The following ADAMTS17 variants were observed in gnomAD, a reference collection of about 807,000 sequenced individuals.
The protein encoded by ADAMTS17 is ADAM metallopeptidase with thrombospondin type 1 motif 17.
Under a neutral mutation model 141.5 loss-of-function variants are expected in ADAMTS17, and 113 were observed. That is an observed-to-expected ratio of 0.80 (90% CI 0.69 to 0.93). The LOEUF (loss-of-function observed/expected upper bound fraction) is 0.93, where lower values mean the gene tolerates loss of function less well. ADAMTS17 is among the 40% of genes least tolerant of loss of function. The probability of loss-of-function intolerance (pLI) is 0.00; values close to 1 mark genes in which losing one functional copy is unlikely to be tolerated. For synonymous variants in ADAMTS17, 768 were observed against 630.6 expected (o/e 1.22, Z -3.27); for missense variants, 1,659 against 1,517.9 (o/e 1.09, Z -1.54).
intron 3 of ADAMTS17, among the ~76,000 whole-genome samples, chr15:100,309,577 G>A (rs1351859922): frequency 6.6e-6 from 1 of 152,180 alleles, no homozygotes; most frequent in Non-Finnish European, 1.5e-5. Flanking sequence ...CCATTCCCAT[G>A]GGCTTCTTGA....
chr15:100,239,582 C>G (rs117675977), intron 7 of ADAMTS17, among the ~76,000 whole-genome samples: 1 of 152,156 alleles, frequency 6.6e-6, no homozygotes, highest in South Asian at 2.1e-4. Context: ...AGAAGGGGGT[C>G]TCTCTCCAGC....
chr15:100,339,843 TAC>T (rs1446459469), intron 2 of ADAMTS17, among the ~76,000 whole-genome samples: 1 of 152,216 alleles, frequency 6.6e-6, no homozygotes, highest in African/African-American at 2.4e-5. Flanking sequence ...TCTAGGAAAC[TAC>T]ACACAGAGAT....
At chr15:100,115,681 A>G (rs2054572) in intron 13 of ADAMTS17, among the ~76,000 whole-genome samples, 82,573 of 152,076 alleles carry the variant, frequency 0.54, 24,800 homozygotes, top group African/African-American at 0.8. Context: ...GCAGAAGGCC[A>G]AATGCAGATT....
intron 4 of ADAMTS17, among the ~76,000 whole-genome samples, chr15:100,277,600 CCTCTCAGGCGTG>C (rs1232311864): frequency 1.3e-5 from 2 of 152,240 alleles, no homozygotes; most frequent in South Asian, 2.1e-4. Context: ...CTCCAGCCCT[CCTCTCAGGCGTG>C]CTCCGGGCAG....
chr15:100,188,138 G>T (rs960235095), intron 8 of ADAMTS17, among the ~76,000 whole-genome samples: 5 of 152,028 alleles, frequency 3.3e-5, no homozygotes, highest in East Asian at 3.9e-4. Flanking sequence ...ATGCAATGGC[G>T]TGATTTCGGC....
At chr15:100,077,196 C>T (rs2034434232) in intron 15 of ADAMTS17, among the ~76,000 whole-genome samples, 1 of 141,354 alleles carries the variant, frequency 7.1e-6, no homozygotes, top group Admixed American at 8.1e-5. Context: ...GTAATCCCAG[C>T]AGTTTGGGAG....
intron 7 of ADAMTS17, among the ~76,000 whole-genome samples, chr15:100,249,985 G>A (rs1175051512): frequency 1.3e-5 from 2 of 152,194 alleles, no homozygotes; most frequent in African/African-American, 4.8e-5. Flanking sequence ...GTAGAGGGAT[G>A]GGACTGCACA....
intron 3 of ADAMTS17, among the ~76,000 whole-genome samples, chr15:100,304,840 C>T (rs2045167705): frequency 6.6e-6 from 1 of 152,182 alleles, no homozygotes; most frequent in Non-Finnish European, 1.5e-5. Context: ...ACAGCAAGAC[C>T]AACCTCTCCT....
intron 15 of ADAMTS17, among the ~76,000 whole-genome samples, chr15:100,060,752 C>T (rs965781257): frequency 6.6e-6 from 1 of 152,230 alleles, no homozygotes; most frequent in Admixed American, 6.5e-5. Flanking sequence ...CCAGGCATTT[C>T]CTGTTCCAGG....
chr15:100,127,857 C>T (rs1442162432), intron 12 of ADAMTS17, among the ~76,000 whole-genome samples: 8 of 151,958 alleles, frequency 5.3e-5, no homozygotes, highest in African/African-American at 9.7e-5. Context: ...GCTGGAATTA[C>T]AGGCATCAGC....
At chr15:100,138,955 T>C (rs2038479504) in intron 10 of ADAMTS17, among the ~76,000 whole-genome samples, 1 of 152,174 alleles carries the variant, frequency 6.6e-6, no homozygotes, top group African/African-American at 2.4e-5. Context: ...TATCAGTGAT[T>C]TCCCGGTAAT....
intron 4 of ADAMTS17, among the ~76,000 whole-genome samples, chr15:100,277,731 C>T (rs2044149004): frequency 6.6e-6 from 1 of 152,228 alleles, no homozygotes; most frequent in Non-Finnish European, 1.5e-5. Context: ...AAAGTTAACA[C>T]TGAACTATTT....
rs549228476 is a variant in ADAMTS17, at chr15:100,323,299, G to T, written c.616+7590C>A. 3.9e-5 allele frequency among the ~76,000 whole-genome samples: 6 copies of T among 152,182 alleles called. No homozygotes were observed. The East Asian group carries it at 5.8e-4, about 15-fold the overall frequency. The stretch of plus-strand genomic sequence containing the variant: ...AAAGAAATTGAGACACTTTAAAGGG[G>T]TTAAATAAATAACCCAAGGTCACTC... On this transcript the variant is annotated intron_variant, in intron 3 of 21. Coordinates refer to ENST00000268070, the MANE Select transcript of ADAMTS17 (RefSeq NM_139057.4).
intron 12 of ADAMTS17, among the ~76,000 whole-genome samples, chr15:100,131,188 A>G (rs1314198698): frequency 2.0e-5 from 3 of 151,478 alleles, no homozygotes; most frequent in Non-Finnish European, 4.4e-5. Flanking sequence ...GGACACAGAG[A>G]GGGAAACATC....
chr15:100,065,321 T>C (rs1445450948), intron 15 of ADAMTS17, among the ~76,000 whole-genome samples: 1 of 152,210 alleles, frequency 6.6e-6, no homozygotes, highest in Non-Finnish European at 1.5e-5. Context: ...TTTTGCTAGG[T>C]AATGTATGTA....
chr15:100,230,247 G>A (rs1289771866), intron 7 of ADAMTS17, among the ~76,000 whole-genome samples: 1 of 152,224 alleles, frequency 6.6e-6, no homozygotes, highest in East Asian at 1.9e-4. Flanking sequence ...CACACTTGCA[G>A]ACCCCTATCT....
intron 15 of ADAMTS17, among the ~76,000 whole-genome samples, chr15:100,067,650 A>C (rs1410382547): frequency 1.3e-5 from 2 of 151,678 alleles, no homozygotes; most frequent in African/African-American, 2.4e-5. Flanking sequence ...CTTATCTTTT[A>C]TTTACCCTGC....
intron 18 of ADAMTS17, among the ~76,000 whole-genome samples, chr15:100,046,392 G>A (rs776905060): frequency 2.6e-5 from 4 of 152,146 alleles, no homozygotes; most frequent in Admixed American, 6.5e-5. Context: ...CTGCCACATC[G>A]TGTGTGTGTC....
At chr15:100,235,782 G>A (rs1334322814) in intron 7 of ADAMTS17, among the ~76,000 whole-genome samples, 2 of 152,190 alleles carry the variant, frequency 1.3e-5, no homozygotes, top group Non-Finnish European at 2.9e-5. Flanking sequence ...AGCCAATGAT[G>A]ATGGGGCATT....
Sources: gnomAD v4.1 joint callset for allele counts (sites outside exome capture counted in the v4.1 genomes callset) on GRCh38, gnomAD v4.1.1 for gene constraint, MANE v1.5 for transcripts, NCBI Gene and HGNC (gene_info 2026-07-23, HGNC 2026-07-21) for gene names.